WFDC1: variants seen among roughly 807,000 people sequenced by gnomAD.
The protein encoded by WFDC1 is WAP four-disulfide core domain protein 1.
WFDC1 carries 39 observed loss-of-function variants against 32.9 expected under a neutral mutation model. The observed-to-expected ratio is 1.19, with a 90% confidence interval of 0.92 to 1.55. The LOEUF (loss-of-function observed/expected upper bound fraction) is 1.55, where lower values mean the gene tolerates loss of function less well. Ranked by LOEUF, WFDC1 falls within the 40% of genes most tolerant of loss-of-function variation. The pLI, the probability that WFDC1 is intolerant of heterozygous loss-of-function variation, is 0.00. For synonymous variants in WFDC1, 184 were observed against 137.4 expected (o/e 1.34, Z -2.37); for missense variants, 386 against 309.5 (o/e 1.25, Z -1.85).
At chr16:84,322,265 T>G (rs1475123391) in intron 4 of WFDC1, among the ~76,000 whole-genome samples, 1 of 151,888 alleles carries the variant, frequency 6.6e-6, no homozygotes, top group African/African-American at 2.4e-5. Context: ...AGCCTTGTTC[T>G]CAGGGGGCTG....
chr16:84,314,800 C>CA (rs1907854222), intron 2 of WFDC1, among the ~76,000 whole-genome samples: 1 of 152,210 alleles, frequency 6.6e-6, no homozygotes, highest in African/African-American at 2.4e-5. Context: ...GTGGACTTAT[C>CA]AAAAATGGTG....
rs115484481 is a variant in WFDC1 at position 84,319,721 on chromosome 16, G to C, written c.562+150G>C. ...GCTCCTCACATCTTCCCCCTGCCCG[G>C]CTCCTTCTTTCATGGCCCCTACCCT... On this transcript the variant is annotated intron_variant, in intron 4 of 6. Transcript: ENST00000219454. 9.4e-3 allele frequency: 10,277 copies of C among 1,095,738 alleles called. 191 individuals carry two copies. Among genetic ancestry groups the C allele is most frequent in the African/African-American group, 0.074 (4,652 of 62,918 alleles). The allele number at this position is 1,095,738 out of a possible 1,614,324, so 67.9% of individuals were successfully genotyped here. A position where few individuals can be genotyped will look rare whatever the true frequency, so the allele number is the denominator to read the frequency against.
At chr16:84,301,775 G>T (rs1029321374) in intron 1 of WFDC1, among the ~76,000 whole-genome samples, 5 of 152,206 alleles carry the variant, frequency 3.3e-5, no homozygotes, top group African/African-American at 1.2e-4. Context: ...ATGAATAGCT[G>T]ACTTTTGAGG....
intron 1 of WFDC1, among the ~76,000 whole-genome samples, chr16:84,312,462 C>T (rs1043197456): frequency 5.3e-5 from 8 of 152,118 alleles, no homozygotes; most frequent in Admixed American, 3.3e-4. Flanking sequence ...TGAGATGTAG[C>T]GATGTTGTTG....
Position 84,319,447 on chromosome 16 carries a change from C to T in WFDC1, c.438C>T (p.Thr146=). The T allele has an allele frequency of 6.2e-7, 1 of 1,610,980 alleles. No individual in the cohort carries two copies. The highest frequency in any genetic ancestry group is 8.5e-7 in the Non-Finnish European group (1 of 1,179,898). ...CTCCTGCAGCAGAGGCGTGCAGCAC[C>T]ACGGAGGATGGGGCCGAACCCCTGC... ...EEVLQAEACS[T]TEDGAEPLLC... Residue 146 remains threonine, a synonymous_variant, in exon 4 of 7, where the codon ACC becomes ACT. Coordinates refer to ENST00000219454, the MANE Select transcript of WFDC1 (RefSeq NM_021197.4).
At chr16:84,320,113 T>G (rs367971401) in intron 4 of WFDC1, among the ~76,000 whole-genome samples, 50 of 152,326 alleles carry the variant, frequency 3.3e-4, no homozygotes, top group South Asian at 8.3e-4. Context: ...ATCCAACCAT[T>G]CTGTTTTTCA....
At chr16:84,307,294 C>T (rs755094985) in intron 1 of WFDC1, among the ~76,000 whole-genome samples, 3 of 152,174 alleles carry the variant, frequency 2.0e-5, no homozygotes, top group Admixed American at 6.5e-5. Flanking sequence ...CTCCAGAAAA[C>T]GCCCTGTGTT....
At position 84,318,067 on chromosome 16, in the gene WFDC1, G is replaced by GTCCCCAGCTT. The variant is rs1195005782; in HGVS notation, c.338-203_338-194dup. ...GCTGCAAGGGAGGCAGGGAAGGCTA[G>GTCCCCAGCTT]TCCCCAGCTTTGTGGCCCAGTGCCC... is the stretch of plus-strand genomic sequence containing the variant. On this transcript the variant is annotated intron_variant, in intron 2 of 6. Transcript: ENST00000219454. The GTCCCCAGCTT allele has an allele frequency of 2.6e-5, 14 of 547,370 alleles. No individual in the cohort carries two copies. In the East Asian group the frequency reaches 4.4e-4, roughly 17 times the overall value. The allele number at this position is 547,370 out of a possible 1,614,324, so 33.9% of individuals were successfully genotyped here. A position where few individuals can be genotyped will look rare whatever the true frequency, so the allele number is the denominator to read the frequency against.
intron 1 of WFDC1, among the ~76,000 whole-genome samples, chr16:84,302,718 C>T (rs894537580): frequency 2.0e-5 from 3 of 152,168 alleles, no homozygotes; most frequent in Non-Finnish European, 2.9e-5. Context: ...AAAAGCAATT[C>T]GTTCGCCTTA....
intron 4 of WFDC1, among the ~76,000 whole-genome samples, chr16:84,320,754 GGCATCTCATAGCCCTAATA>G (rs1908260720): frequency 6.6e-6 from 1 of 152,106 alleles, no homozygotes; most frequent in South Asian, 2.1e-4. Flanking sequence ...TCCCCGCTTC[GGCATCTCATAGCCCTAATA>G]GCTAAGGACA....
At chr16:84,324,559 T>C (rs1176001337) in intron 5 of WFDC1, 99 bp downstream of exon 5, 6 of 1,382,030 alleles carry the variant, frequency 4.3e-6, no homozygotes, top group African/African-American at 1.5e-5. Context: ...GGCTGAGATA[T>C]AGGGAACAAA....
At chr16:84,314,335 G>T (rs929288572) in intron 2 of WFDC1, among the ~76,000 whole-genome samples, 1 of 152,178 alleles carries the variant, frequency 6.6e-6, no homozygotes, top group African/African-American at 2.4e-5. Flanking sequence ...ATGTGCCCTT[G>T]GGTGGGGAAA....
At chr16:84,307,399 A>T (rs1907326305) in intron 1 of WFDC1, among the ~76,000 whole-genome samples, 1 of 152,214 alleles carries the variant, frequency 6.6e-6, no homozygotes, top group Admixed American at 6.5e-5. Flanking sequence ...TCAGTGCTTT[A>T]TCACTCACGA....
intron 3 of WFDC1, 84 bp downstream of exon 3, chr16:84,318,439 G>A: frequency 2.9e-6 from 4 of 1,384,480 alleles, no homozygotes; most frequent in Non-Finnish European, 3.0e-6. Context: ...GCAGCACCAG[G>A]CCGGCTGTCC....
In WFDC1 at chr16:84,322,633, G is replaced by C. The variant is rs953284053; in HGVS notation, c.563-1786G>C. ...CAGGCCCTGTGCCGACACCTAAGAT[G>C]CCATCCTCCCGTAAGAGAGGCTTCT... On this transcript the variant is annotated intron_variant, in intron 4 of 6. Coordinates refer to ENST00000219454, the MANE Select transcript of WFDC1 (RefSeq NM_021197.4). Among the ~76,000 whole-genome samples the C allele has an allele frequency of 5.3e-5, 8 of 152,276 alleles. 1 individual carries two copies. In the East Asian group the frequency reaches 1.4e-3, roughly 26 times the overall value.
intron 6 of WFDC1, chr16:84,328,955 GA>G (rs79425921): frequency 1.0e-4 from 15 of 148,812 alleles, no homozygotes; most frequent in African/African-American, 1.2e-4. Context: ...CCTGTTTCAA[GA>G]AAAAAAAAAA....
At position 84,295,018 on chromosome 16, in the gene WFDC1, T is replaced by G; in HGVS notation, c.47T>G (p.Ile16Ser). ...CCGGGCAGCTGCAGGAGGCAGATCA[T>G]CCGGGCTCTGTGCCTCTTGCTACTT... Reference protein sequence around the residue: ...VGPGSCRRQIIRALCLLLLLL... With the variant: ...VGPGSCRRQISRALCLLLLLL... The change falls in exon 1 of 7, where the codon ATC becomes AGC. Residue 16 changes from isoleucine (I) to serine (S), a missense_variant. By Grantham distance (142) the Ile-to-Ser change is moderately radical (BLOSUM62 -2). Transcript: ENST00000219454. The G allele has an allele frequency of 6.2e-7, 1 of 1,614,202 alleles. No homozygotes were observed. Among genetic ancestry groups the G allele is most frequent in the Non-Finnish European group, 8.5e-7 (1 of 1,180,016 alleles).
At chr16:84,297,647 A>AAAAC (rs1906688346) in intron 1 of WFDC1, among the ~76,000 whole-genome samples, 6 of 126,304 alleles carry the variant, frequency 4.8e-5, no homozygotes, top group East Asian at 2.2e-4. Flanking sequence ...AAAAAAAAAA[A>AAAAC]CTGTGCCTCA....
At chr16:84,305,536 C>G (rs1258649949) in intron 1 of WFDC1, among the ~76,000 whole-genome samples, 2 of 152,204 alleles carry the variant, frequency 1.3e-5, no homozygotes, top group Admixed American at 1.3e-4. Context: ...ACTGGAGCTC[C>G]TTAGGTTTCT....
Sources: gnomAD v4.1 joint callset for allele counts (sites outside exome capture counted in the v4.1 genomes callset) on GRCh38, gnomAD v4.1.1 for gene constraint, MANE v1.5 for transcripts, NCBI Gene and HGNC (gene_info 2026-07-23, HGNC 2026-07-21) for gene names.